Variants in TIMM23B observed in about 807,000 individuals in gnomAD.
The protein encoded by TIMM23B is translocase of inner mitochondrial membrane 23 homolog B.
Under a neutral mutation model 27.3 loss-of-function variants are expected in TIMM23B, and 27 were observed. The observed-to-expected ratio is 0.99, with a 90% CI of 0.73 to 1.36. TIMM23B has a LOEUF of 1.36. TIMM23B is among the 40% of genes most tolerant of loss of function. TIMM23B has a pLI of 0.00. For synonymous variants in TIMM23B, 73 were observed against 92.4 expected (o/e 0.79, Z 1.21); for missense variants, 205 against 244.2 (o/e 0.84, Z 1.07).
At chr10:49,962,638 T>C (rs1227291436) in intron 6 of TIMM23B, among the ~76,000 whole-genome samples, 1 of 152,182 alleles carries the variant, frequency 6.6e-6, no homozygotes, top group Non-Finnish European at 1.5e-5. Context: ...TACCATTTCC[T>C]AGAACAATCC....
intron 6 of TIMM23B, among the ~76,000 whole-genome samples, chr10:49,961,041 A>T (rs1414333863): frequency 1.3e-5 from 2 of 152,112 alleles, no homozygotes; most frequent in Non-Finnish European, 2.9e-5. Context: ...AAAATGGTCC[A>T]GGAAAAGTAT....
chr10:49,952,146 A>G lies in TIMM23B; in HGVS notation c.186A>G (p.Leu62=). Residue 62 remains leucine, a synonymous_variant, in exon 3 of 7, where the codon TTA becomes TTG. Transcript: ENST00000651259. Reference sequence around the variant, plus strand: ...TTTAGGATACAGATGAGTTCATTTTACCTACCGGAGCTAATAAAACCTGGG... The same window carrying G: ...TTTAGGATACAGATGAGTTCATTTTGCCTACCGGAGCTAATAAAACCTGGG... ...YLVQDTDEFI[L]PTGANKTWGR... 1 of 1,602,896 alleles carries G rather than the reference A, an allele frequency of 6.2e-7. No homozygotes were observed. The highest frequency in any genetic ancestry group is 8.5e-7 in the Non-Finnish European group (1 of 1,169,808).
intron 2 of TIMM23B, among the ~76,000 whole-genome samples, chr10:49,948,491 TAAA>T (rs1375334326): frequency 6.6e-6 from 1 of 152,100 alleles, no homozygotes; most frequent in Admixed American, 6.5e-5. Context: ...GATGAATGGA[TAAA>T]AAAGTGTGGC....
intron 4 of TIMM23B, 54 bp downstream of exon 4, chr10:49,952,587 G>A (rs1173248073): frequency 1.5e-5 from 24 of 1,602,242 alleles, no homozygotes; most frequent in East Asian, 4.5e-5. Flanking sequence ...AAGCTCTGTT[G>A]TATTGGTTTG....
chr10:49,954,929 C>T (rs1839665014), intron 4 of TIMM23B, 73 bp from the exon 5 acceptor site: 4 of 1,580,948 alleles, frequency 2.5e-6, no homozygotes, highest in Non-Finnish European at 2.6e-6. Flanking sequence ...GTTAAATAGC[C>T]ATTATTGTTT....
intron 6 of TIMM23B, chr10:49,970,269 G>A (rs1840367931): frequency 6.6e-6 from 1 of 151,192 alleles, no homozygotes; most frequent in Non-Finnish European, 1.5e-5. Context: ...TGGGATGTGA[G>A]GAGCCCCTCT....
chr10:49,943,791 A>G (rs1259134508), intron 1 of TIMM23B, among the ~76,000 whole-genome samples: 6 of 132,142 alleles, frequency 4.5e-5, no homozygotes, highest in Non-Finnish European at 7.6e-5. Context: ...CACAGAGCTT[A>G]CATAATACTG....
intron 2 of TIMM23B, among the ~76,000 whole-genome samples, chr10:49,949,297 G>C (rs1372357757): frequency 6.7e-6 from 1 of 148,822 alleles, no homozygotes; most frequent in Admixed American, 6.8e-5. Flanking sequence ...TCTTGTTTGC[G>C]TTAAGTGTTC....
rs1271493322 is a variant in TIMM23B, at chr10:49,973,260, T to C, written c.*196T>C. The C allele has an allele frequency of 1.3e-5, 6 of 461,584 alleles. No homozygotes were observed. The Admixed American group carries it at 2.3e-4, about 18-fold the overall frequency. 28.6% of individuals were successfully genotyped at this position (461,584 alleles called of 1,614,324 possible). A position where few individuals can be genotyped will look rare whatever the true frequency, so the allele number is the denominator to read the frequency against. On this transcript the variant is annotated 3_prime_UTR_variant, in exon 7 of 7. Coordinates refer to ENST00000651259, the MANE Select transcript of TIMM23B (RefSeq NM_001290117.2). ...AAGAAACGTGAAGTCATGAACTGTT[T>C]ATTTATGCTGTTATTTTTGTGTTTA...
chr10:49,968,687 T>C (rs1840278818), intron 6 of TIMM23B, among the ~76,000 whole-genome samples: 1 of 151,854 alleles, frequency 6.6e-6, no homozygotes, highest in Non-Finnish European at 1.5e-5. Context: ...ACAAAAACAT[T>C]ATCCGGGCAT....
intron 2 of TIMM23B, among the ~76,000 whole-genome samples, chr10:49,949,660 G>T (rs1839461312): frequency 6.6e-6 from 1 of 150,496 alleles, no homozygotes; most frequent in African/African-American, 2.5e-5. Context: ...ATTCTAGAGG[G>T]ACTTCAGACT....
At chr10:49,968,679 A>G (rs1429226917) in intron 6 of TIMM23B, among the ~76,000 whole-genome samples, 1 of 152,146 alleles carries the variant, frequency 6.6e-6, no homozygotes, top group Non-Finnish European at 1.5e-5. Flanking sequence ...CTGAAAATAC[A>G]AAAACATTAT....
chr10:49,942,780 T>C (rs1414005101), intron 1 of TIMM23B, among the ~76,000 whole-genome samples: 1 of 147,100 alleles, frequency 6.8e-6, no homozygotes, highest in Non-Finnish European at 1.5e-5. Context: ...TAGGAAACCT[T>C]CTTTAGGAGC....
intron 6 of TIMM23B, among the ~76,000 whole-genome samples, chr10:49,966,358 C>T (rs1240152513): frequency 5.3e-5 from 8 of 150,208 alleles, no homozygotes; most frequent in African/African-American, 1.5e-4. Context: ...GTTTCCATCT[C>T]GAAATGAAAT....
intron 2 of TIMM23B, 117 bp downstream of exon 2, chr10:49,945,207 C>T (rs1839318357): frequency 2.2e-6 from 2 of 913,438 alleles, no homozygotes; most frequent in Non-Finnish European, 3.4e-6. Context: ...TCTCTGGTCT[C>T]CATTCACCCT....
intron 6 of TIMM23B, among the ~76,000 whole-genome samples, chr10:49,971,318 G>C (rs1840435431): frequency 7.0e-6 from 1 of 143,072 alleles, no homozygotes. Flanking sequence ...ACCCAAGAAT[G>C]ATCAATAAAT....
rs1336042426 is a variant in TIMM23B at position 49,943,661 on chromosome 10, G to A, written c.106+1361G>A. Reference sequence around the variant, plus strand: ...TTTGAAGGTAAATTGGGGGACCAGGGAATGAACACCATTTACTGAGCTTTT... The same window carrying A: ...TTTGAAGGTAAATTGGGGGACCAGGAAATGAACACCATTTACTGAGCTTTT... On this transcript the variant is annotated intron_variant, in intron 1 of 6. Coordinates refer to ENST00000651259, the MANE Select transcript of TIMM23B (RefSeq NM_001290117.2). 5.9e-5 allele frequency among the ~76,000 whole-genome samples: 9 copies of A among 151,398 alleles called. 1 individual carries two copies. In the South Asian group the frequency reaches 1.9e-3, roughly 32 times the overall value.
chr10:49,943,693 T>A (rs1839247301), intron 1 of TIMM23B, among the ~76,000 whole-genome samples: 5 of 151,504 alleles, frequency 3.3e-5, no homozygotes, highest in African/African-American at 1.2e-4. Flanking sequence ...TTTTACAGTG[T>A]GCTAGCTACT....
intron 1 of TIMM23B, among the ~76,000 whole-genome samples, 197 bp downstream of exon 1, chr10:49,942,497 C>T (rs1839156343): frequency 6.6e-6 from 1 of 152,070 alleles, no homozygotes; most frequent in South Asian, 2.1e-4. Context: ...CACGGATCTC[C>T]TGGGGAAGCT....
Sources: allele counts gnomAD v4.1 joint callset (sites outside exome capture counted in the v4.1 genomes callset), GRCh38; gene constraint gnomAD v4.1.1; transcripts MANE v1.5; gene names NCBI Gene and HGNC (gene_info 2026-07-23, HGNC 2026-07-21).